The following ITSN2 variants were observed in gnomAD, a reference collection of about 807,000 sequenced individuals.
ITSN2 encodes intersectin-2.
A neutral mutation model predicts 243.7 loss-of-function variants in ITSN2; 156 were observed. The ratio of observed to expected loss-of-function variants is 0.64; its 90% CI spans 0.56 to 0.73. The LOEUF (loss-of-function observed/expected upper bound fraction) is 0.73. Among genes scored for constraint, ITSN2 ranks in the 30% least tolerant of loss-of-function variants. The pLI is 0.00. For synonymous variants in ITSN2, 703 were observed against 699.9 expected (o/e 1.00, Z -0.07); for missense variants, 1,801 against 1,996.1 (o/e 0.90, Z 1.86).
intron 29 of ITSN2, among the ~76,000 whole-genome samples, chr2:24,222,071 T>C (rs942638438): frequency 6.6e-6 from 1 of 151,800 alleles, no homozygotes; most frequent in African/African-American, 2.4e-5. Context: ...GCTAACACGG[T>C]GAAACCCCGT....
At chr2:24,308,998 C>A in intron 7 of ITSN2, 2 of 462,240 alleles carry the variant, frequency 4.3e-6, no homozygotes, top group Non-Finnish European at 4.4e-6. Flanking sequence ...AGTGCAAACC[C>A]TATTGTGAAT....
Position 24,217,853 on chromosome 2 carries a change from TCA to T in ITSN2, c.3806+52_3806+53del, listed in dbSNP as rs995630550. The T allele has an allele frequency of 7.2e-6, 9 of 1,244,850 alleles. No homozygotes were observed. In the African/African-American group the frequency reaches 1.3e-4, roughly 18 times the overall value. 77.1% of individuals were successfully genotyped at this position (1,244,850 alleles called of 1,614,324 possible). On this transcript the variant is annotated intron_variant, in intron 31 of 39. Coordinates refer to ENST00000355123, the MANE Select transcript of ITSN2 (RefSeq NM_006277.3). The stretch of plus-strand genomic sequence containing the variant: ...CCTTGCAGAGGGTTTTGTGTGAGTC[TCA>T]GTCTGGGGGCTTTGGGGTCAGCGGC...
intron 29 of ITSN2, chr2:24,240,014 C>T (rs2551180): frequency 0.98 from 148,880 of 152,238 alleles, 72,795 homozygotes; most frequent in East Asian, 0.99. Context: ...AGGTCATTCC[C>T]AGTAATTTAT....
At chr2:24,222,646 T>C (rs1484632763) in intron 29 of ITSN2, among the ~76,000 whole-genome samples, 2 of 151,428 alleles carry the variant, frequency 1.3e-5, no homozygotes, top group Non-Finnish European at 2.9e-5. Context: ...CATATTCCCA[T>C]TACAATAACT....
At chr2:24,212,172 G>A (rs750014245) in intron 33 of ITSN2, among the ~76,000 whole-genome samples, 1 of 152,182 alleles carries the variant, frequency 6.6e-6, no homozygotes, top group African/African-American at 2.4e-5. Context: ...CGAATACAGC[G>A]AGGGACACAA....
intron 33 of ITSN2, among the ~76,000 whole-genome samples, chr2:24,212,353 G>A (rs1008881194): frequency 6.6e-6 from 1 of 152,134 alleles, no homozygotes; most frequent in African/African-American, 2.4e-5. Context: ...GCCTTTCCCT[G>A]CCTGGACAAG....
intron 1 of ITSN2, among the ~76,000 whole-genome samples, chr2:24,347,937 T>C (rs1687697258): frequency 6.6e-6 from 1 of 151,982 alleles, no homozygotes; most frequent in Non-Finnish European, 1.5e-5. Context: ...CTGGGTGTGA[T>C]GGGTGGTGTG....
At chr2:24,207,477 T>C (rs1669017255) in intron 37 of ITSN2, among the ~76,000 whole-genome samples, 1 of 151,960 alleles carries the variant, frequency 6.6e-6, no homozygotes, top group Non-Finnish European at 1.5e-5. Flanking sequence ...TGGAGGGTGC[T>C]GTTCAGAGGC....
Position 24,261,270 on chromosome 2 carries a change from ATATAAG to A in ITSN2, c.2538-26_2538-21del. Reference sequence around the variant, plus strand: ...AGTGGTCTGCAAATATAACACTTTGATATAAGTATATTTATTTGTTTAGAACTTAAT... The same window carrying A: ...AGTGGTCTGCAAATATAACACTTTGATATATTTATTTGTTTAGAACTTAAT... On this transcript the variant is annotated intron_variant, in intron 21 of 39. Transcript: ENST00000355123. 1.9e-6 allele frequency: 3 copies of A among 1,565,626 alleles called. No individual in the cohort carries two copies. In the African/African-American group the frequency reaches 4.1e-5, roughly 21 times the overall value.
At chr2:24,274,032 A>AT (rs1419920997) in intron 18 of ITSN2, among the ~76,000 whole-genome samples, 1 of 152,216 alleles carries the variant, frequency 6.6e-6, no homozygotes, top group Admixed American at 6.5e-5. Flanking sequence ...TTAAACGCAT[A>AT]TAACTAGTAT....
intron 24 of ITSN2, among the ~76,000 whole-genome samples, chr2:24,253,537 C>G (rs1000552438): frequency 2.6e-5 from 4 of 152,172 alleles, no homozygotes; most frequent in African/African-American, 7.2e-5. Flanking sequence ...CTGCTAGATC[C>G]TACTCATTGT....
chr2:24,285,621 T>C (rs1448147762), intron 16 of ITSN2, among the ~76,000 whole-genome samples: 5 of 152,246 alleles, frequency 3.3e-5, no homozygotes, highest in Non-Finnish European at 7.3e-5. Context: ...TAGGTATGGC[T>C]TCAGTGTACA....
chr2:24,216,285 TA>T, intron 31 of ITSN2, 53 bp from the exon 32 acceptor site: 1 of 1,421,544 alleles, frequency 7.0e-7, no homozygotes, highest in Non-Finnish European at 9.5e-7. Context: ...CTTAGGTAAT[TA>T]AAGGATGAAT....
At position 24,281,739 on chromosome 2, in the gene ITSN2, T is replaced by C. The variant is rs1400863772; in HGVS notation, c.1944+3024A>G. On this transcript the variant is annotated intron_variant, in intron 17 of 39. Transcript: ENST00000355123. ...CACTGAGATGTCTATTTCATGCCTA[T>C]TTCTCTCCTGAAACTTCCTAATCTT... Among the ~76,000 whole-genome samples, 4 of 152,218 alleles carry C rather than the reference T, an allele frequency of 2.6e-5. No individual in the cohort carries two copies. In the East Asian group the frequency reaches 5.8e-4, roughly 22 times the overall value.
intron 15 of ITSN2, among the ~76,000 whole-genome samples, chr2:24,287,003 TATC>T (rs1289979377): frequency 2.0e-5 from 3 of 152,166 alleles, no homozygotes; most frequent in Admixed American, 6.5e-5. Flanking sequence ...TTTTTAACTT[TATC>T]ATATTTTTGA....
intron 29 of ITSN2, among the ~76,000 whole-genome samples, chr2:24,245,244 T>C (rs1243393883): frequency 1.3e-5 from 2 of 152,182 alleles, no homozygotes; most frequent in Admixed American, 6.5e-5. Context: ...TCTGGACCCT[T>C]GTTCTGAAAA....
chr2:24,259,588 C>CA (rs1675539408), intron 22 of ITSN2, among the ~76,000 whole-genome samples: 1 of 152,206 alleles, frequency 6.6e-6, no homozygotes, highest in East Asian at 1.9e-4. Flanking sequence ...ACCCTTTCTC[C>CA]ATGAATCCTG....
chr2:24,315,420 T>C (rs534180345), intron 2 of ITSN2, among the ~76,000 whole-genome samples, 196 bp from the exon 3 acceptor site: 79 of 152,322 alleles, frequency 5.2e-4, no homozygotes, highest in South Asian at 2.3e-3. Flanking sequence ...TTAACGTCTA[T>C]TGAACAAGTG....
intron 1 of ITSN2, among the ~76,000 whole-genome samples, chr2:24,354,912 T>C (rs1688313855): frequency 6.6e-6 from 1 of 152,240 alleles, no homozygotes; most frequent in South Asian, 2.1e-4. Context: ...AAATAAATCA[T>C]TTAATGTCCT....
Sources: allele counts gnomAD v4.1 joint callset (sites outside exome capture counted in the v4.1 genomes callset), GRCh38; gene constraint gnomAD v4.1.1; transcripts MANE v1.5; gene names NCBI Gene and HGNC (gene_info 2026-07-23, HGNC 2026-07-21).